Variants in INTS6 observed in about 807,000 individuals in gnomAD.
INTS6 encodes the protein DEAD box protein.
In INTS6, 16 loss-of-function variants were observed where a neutral mutation model predicts 104.9. The observed-to-expected ratio is 0.15, with a 90% CI of 0.10 to 0.23. The LOEUF (loss-of-function observed/expected upper bound fraction) is 0.23. Among genes scored for constraint, INTS6 ranks in the 10% least tolerant of loss-of-function variants. INTS6 has a pLI of 1.00. For synonymous variants in INTS6, 324 were observed against 358.7 expected (o/e 0.90, Z 1.09); for missense variants, 584 against 1,062.8 (o/e 0.55, Z 6.26).
intron 4 of INTS6, among the ~76,000 whole-genome samples, chr13:51,412,508 T>C (rs889145675): frequency 9.9e-5 from 15 of 152,168 alleles, no homozygotes; most frequent in East Asian, 3.9e-4. Context: ...AATCTTTCCA[T>C]GCGGACACAA....
chr13:51,431,816 A>AG (rs1214639522), intron 3 of INTS6, among the ~76,000 whole-genome samples: 1 of 152,166 alleles, frequency 6.6e-6, no homozygotes, highest in Non-Finnish European at 1.5e-5. Flanking sequence ...CTAAATGCAT[A>AG]GCAGCATTAA....
chr13:51,349,200 C>T (rs1160545387), downstream of INTS6, among the ~76,000 whole-genome samples: 2 of 152,198 alleles, frequency 1.3e-5, no homozygotes, highest in South Asian at 4.1e-4. Flanking sequence ...TGGCCTCTCT[C>T]CACTGCCTGG....
chr13:51,370,476 G>C (rs570526381), intron 15 of INTS6, among the ~76,000 whole-genome samples: 18 of 152,238 alleles, frequency 1.2e-4, no homozygotes, highest in Non-Finnish European at 2.4e-4. Context: ...GTTGTGCTGA[G>C]CCCCTATCAA....
At chr13:51,409,154 T>C (rs538722217) in intron 4 of INTS6, among the ~76,000 whole-genome samples, 1 of 151,734 alleles carries the variant, frequency 6.6e-6, no homozygotes, top group Non-Finnish European at 1.5e-5. Context: ...TTTAGCACCA[T>C]GAGTTTGAAA....
chr13:51,452,022 T>A lies in INTS6; in HGVS notation c.145A>T (p.Arg49Trp), dbSNP rs780027025. ...TCTTCGAAAGTGACCAGCATATACC[T>A]GTCTCCTCTGCTGGCAGGGTCCCGG... ...RARDPASRGD[R>W]YMLVTFEEPP... Residue 49 changes from arginine to tryptophan, a missense_variant, in exon 2 of 18, where the codon AGG becomes TGG. Physicochemically the swap from Arg to Trp is moderately radical, Grantham distance 101 (BLOSUM62 -3). Coordinates refer to ENST00000311234, the MANE Select transcript of INTS6 (RefSeq NM_012141.3). The surrounding 1 kb of genome is among the most constrained non-coding windows in gnomAD (Gnocchi z 4.2). 6.2e-7 allele frequency: 1 copy of A among 1,609,322 alleles called. No individual in the cohort carries two copies. The highest frequency in any genetic ancestry group is 8.5e-7 in the Non-Finnish European group (1 of 1,177,354).
At chr13:51,393,722 T>C (rs993437531) in intron 5 of INTS6, among the ~76,000 whole-genome samples, 2 of 152,216 alleles carry the variant, frequency 1.3e-5, no homozygotes, top group Admixed American at 6.5e-5. Flanking sequence ...AAGGATGACT[T>C]TGGAACTTCT....
intron 4 of INTS6, among the ~76,000 whole-genome samples, chr13:51,403,954 G>T (rs944549565): frequency 6.6e-6 from 1 of 151,974 alleles, no homozygotes. Context: ...AGATGTGGTG[G>T]TTCACACCTG....
At chr13:51,436,096 C>T (rs1952680240) in intron 3 of INTS6, among the ~76,000 whole-genome samples, 1 of 152,012 alleles carries the variant, frequency 6.6e-6, no homozygotes, top group South Asian at 2.1e-4. Flanking sequence ...GACATTAACC[C>T]TTGTAAAACC....
chr13:51,414,205 T>G (rs891689986), intron 4 of INTS6, among the ~76,000 whole-genome samples: 1 of 152,182 alleles, frequency 6.6e-6, no homozygotes, highest in African/African-American at 2.4e-5. Flanking sequence ...AGGAACAAAG[T>G]AGAAGAAACC....
At chr13:51,377,101 G>A (rs943795977) in intron 12 of INTS6, among the ~76,000 whole-genome samples, 2 of 152,012 alleles carry the variant, frequency 1.3e-5, no homozygotes, top group Non-Finnish European at 2.9e-5. Context: ...GTAGTATCTC[G>A]TTATGGTTTT....
At chr13:51,450,365 A>T (rs564197918) in intron 3 of INTS6, 195 of 985,464 alleles carry the variant, frequency 2.0e-4, no homozygotes, top group South Asian at 3.8e-4. Flanking sequence ...GTGCAATAAA[A>T]GGACTTGTGG....
chr13:51,350,599 G>A (rs7984510), downstream of INTS6, among the ~76,000 whole-genome samples: 3,165 of 152,138 alleles, frequency 0.021, 56 homozygotes, highest in African/African-American at 0.05. Flanking sequence ...CATGGTGTGT[G>A]GTTTATGCTT....
At chr13:51,428,329 T>C (rs1957021387) in intron 4 of INTS6, among the ~76,000 whole-genome samples, 1 of 149,292 alleles carries the variant, frequency 6.7e-6, no homozygotes, top group Non-Finnish European at 1.5e-5. Flanking sequence ...TTTTTTTCTT[T>C]TTTTTTTTTT....
intron 2 of INTS6, among the ~76,000 whole-genome samples, 167 bp downstream of exon 2, chr13:51,451,811 C>T (rs1953059106): frequency 6.7e-6 from 1 of 149,670 alleles, no homozygotes; most frequent in Non-Finnish European, 1.5e-5. Context: ...TAGGACGCTG[C>T]CGAGCGGGGG....
chr13:51,381,606 C>T (rs1956050306), intron 10 of INTS6, among the ~76,000 whole-genome samples: 1 of 152,114 alleles, frequency 6.6e-6, no homozygotes, highest in African/African-American at 2.4e-5. Context: ...CATCTGTATG[C>T]TCAATTTTCA....
downstream of INTS6, among the ~76,000 whole-genome samples, chr13:51,352,607 G>A (rs186770694): frequency 8.6e-5 from 13 of 151,672 alleles, no homozygotes; most frequent in Admixed American, 2.6e-4. Context: ...TGTCCTACTC[G>A]CCCTCCAGTA....
chr13:51,405,140 G>C (rs2138008097), intron 4 of INTS6, among the ~76,000 whole-genome samples: 1 of 152,264 alleles, frequency 6.6e-6, no homozygotes, highest in Admixed American at 6.5e-5. Flanking sequence ...GAGTAATGAA[G>C]AGTGAAGATC....
At chr13:51,425,142 C>A (rs575879176) in intron 4 of INTS6, among the ~76,000 whole-genome samples, 1 of 152,010 alleles carries the variant, frequency 6.6e-6, no homozygotes, top group South Asian at 2.1e-4. Flanking sequence ...TAATTATAAT[C>A]TTCACCAGTT....
At chr13:51,410,638 C>T (rs1956666751) in intron 4 of INTS6, among the ~76,000 whole-genome samples, 1 of 152,028 alleles carries the variant, frequency 6.6e-6, no homozygotes, top group African/African-American at 2.4e-5. Flanking sequence ...TCCTTAGTAT[C>T]TCAGACTAGG....
Sources: allele counts gnomAD v4.1 joint callset (sites outside exome capture counted in the v4.1 genomes callset), GRCh38; gene constraint gnomAD v4.1.1; non-coding constraint Gnocchi (gnomAD v3.1); transcripts MANE v1.5; gene names NCBI Gene and HGNC (gene_info 2026-07-23, HGNC 2026-07-21).